The following PPP1R9A variants were observed in gnomAD, a reference collection of about 807,000 sequenced individuals.
PPP1R9A encodes the protein neurabin-1.
PPP1R9A carries 59 observed loss-of-function variants against 141.9 expected under a neutral mutation model. The ratio of observed to expected loss-of-function variants is 0.42; its 90% CI spans 0.34 to 0.52. The LOEUF is 0.52. Ranked by LOEUF, PPP1R9A falls within the 20% of genes least tolerant of loss-of-function variation. PPP1R9A has a pLI of 0.10. For synonymous variants in PPP1R9A, 500 were observed against 569.7 expected (o/e 0.88, Z 1.74); for missense variants, 1,444 against 1,611.9 (o/e 0.90, Z 1.78).
At chr7:95,089,922 T>C (rs1817113219) in intron 2 of PPP1R9A, among the ~76,000 whole-genome samples, 1 of 151,972 alleles carries the variant, frequency 6.6e-6, no homozygotes. Flanking sequence ...AAATTTCAAC[T>C]GAAGCATGGT....
At chr7:95,121,711 G>A (rs1163763359) in intron 4 of PPP1R9A, among the ~76,000 whole-genome samples, 2 of 152,094 alleles carry the variant, frequency 1.3e-5, no homozygotes, top group Non-Finnish European at 2.9e-5. Flanking sequence ...ATCTGATGAG[G>A]ACCCTCCAGC....
chr7:94,960,551 CTAAA>C (rs1418121288), intron 2 of PPP1R9A, among the ~76,000 whole-genome samples: 2 of 151,636 alleles, frequency 1.3e-5, no homozygotes, highest in Non-Finnish European at 3.0e-5. Context: ...GGAAATAACA[CTAAA>C]TGCCTACACC....
At chr7:95,034,878 A>G (rs906822403) in intron 2 of PPP1R9A, among the ~76,000 whole-genome samples, 2 of 152,168 alleles carry the variant, frequency 1.3e-5, no homozygotes, top group South Asian at 4.1e-4. Flanking sequence ...TTAAGAGTAG[A>G]GCATTATGAT....
chr7:95,138,628 T>A (rs139124230), intron 4 of PPP1R9A, among the ~76,000 whole-genome samples: 221 of 152,344 alleles, frequency 1.5e-3, no homozygotes, highest in African/African-American at 5.2e-3. Flanking sequence ...ATATAAGAAC[T>A]TGTATCCAGA....
chr7:95,276,609 A>G (rs1003389423), intron 16 of PPP1R9A, among the ~76,000 whole-genome samples: 17 of 152,232 alleles, frequency 1.1e-4, no homozygotes, highest in African/African-American at 3.9e-4. Flanking sequence ...CCTAAGTGTG[A>G]TGATTGGGTG....
intron 17 of PPP1R9A, among the ~76,000 whole-genome samples, chr7:95,285,520 A>G (rs948180456): frequency 8.5e-5 from 13 of 152,190 alleles, no homozygotes; most frequent in African/African-American, 3.1e-4. Context: ...TATTTTAATG[A>G]AGTTCTGGGG....
Position 95,124,471 on chromosome 7 carries a change from T to C in PPP1R9A, c.1649+3639T>C, listed in dbSNP as rs953780824. Among the ~76,000 whole-genome samples the C allele has an allele frequency of 1.2e-4, 18 of 152,174 alleles. 1 individual carries two copies. The highest frequency in any genetic ancestry group is 7.4e-5 in the Non-Finnish European group (5 of 68,024). On this transcript the variant is annotated intron_variant, in intron 4 of 19. Transcript: ENST00000433360. ...TGAATGGCTCTAGTGTATGGGTTTT[T>C]TAAAATTTTGGCTGATATAGAATAT...
intron 2 of PPP1R9A, among the ~76,000 whole-genome samples, chr7:95,010,528 A>G (rs1804266728): frequency 6.6e-6 from 1 of 152,184 alleles, no homozygotes; most frequent in Non-Finnish European, 1.5e-5. Context: ...TCATTCTTTA[A>G]ATTTTACTTG....
intron 8 of PPP1R9A, among the ~76,000 whole-genome samples, chr7:95,232,619 TC>T (rs1298316158): frequency 6.6e-6 from 1 of 151,904 alleles, no homozygotes; most frequent in Non-Finnish European, 1.5e-5. Flanking sequence ...TTGCAATCTA[TC>T]CATCTGACAA....
intron 12 of PPP1R9A, among the ~76,000 whole-genome samples, chr7:95,258,310 GTCT>G (rs1428637543): frequency 6.6e-6 from 1 of 152,144 alleles, no homozygotes; most frequent in Non-Finnish European, 1.5e-5. Flanking sequence ...CTGCATAAAT[GTCT>G]TCTTTTGAGA....
chr7:95,143,558 G>A (rs6465456), intron 4 of PPP1R9A, among the ~76,000 whole-genome samples: 91,229 of 151,762 alleles, frequency 0.6, 28,086 homozygotes, highest in African/African-American at 0.74. Context: ...TATTTTGGTT[G>A]CAAGGATATT....
chr7:95,290,356 TC>T lies in PPP1R9A; in HGVS notation c.*55del, dbSNP rs1313497987. The T allele has an allele frequency of 7.9e-6, 12 of 1,528,328 alleles. No homozygotes were observed. Among genetic ancestry groups the T allele is most frequent in the Admixed American group, 2.0e-5 (1 of 50,018 alleles). 94.7% of individuals were successfully genotyped at this position (1,528,328 alleles called of 1,614,324 possible). ...TGCTCCAAGAGAAGTCCCCACCTCT[TC>T]CTGCCCTGCTCTCCTCCAGAGGATG... is the stretch of plus-strand genomic sequence containing the variant. On this transcript the variant is annotated 3_prime_UTR_variant, in exon 20 of 20. Coordinates refer to ENST00000433360, the MANE Select transcript of PPP1R9A (RefSeq NM_001166160.2).
chr7:95,101,550 C>G (rs996760789), intron 2 of PPP1R9A, among the ~76,000 whole-genome samples: 7 of 152,132 alleles, frequency 4.6e-5, no homozygotes, highest in African/African-American at 1.7e-4. Flanking sequence ...ATGGCTCAGT[C>G]AAGAAGTGAC....
chr7:94,910,688 G>C lies in PPP1R9A; in HGVS notation c.575G>C (p.Ser192Thr). 6.2e-7 allele frequency: 1 copy of C among 1,614,164 alleles called. No homozygotes were observed. The highest frequency in any genetic ancestry group is 8.5e-7 in the Non-Finnish European group (1 of 1,180,018). The change falls in exon 2 of 20, where the codon AGC (serine) becomes ACC (threonine). Residue 192 changes from serine to threonine, a missense_variant. Transcript: ENST00000433360. This position sits in a 1 kb window ranked among gnomAD's most constrained non-coding sequence, Gnocchi z 4.5. ...AGTACTGATTCCTTGGACAGCCTTA[G>C]CTCCCGAACTGAGGCTGTCTCCCCA... is the stretch of plus-strand genomic sequence containing the variant. ...RGSTDSLDSL[S>T]SRTEAVSPTV...
At chr7:94,921,169 G>A (rs1024702375) in intron 2 of PPP1R9A, among the ~76,000 whole-genome samples, 3 of 152,040 alleles carry the variant, frequency 2.0e-5, no homozygotes, top group Admixed American at 1.3e-4. Context: ...TTTTGAGGCC[G>A]GGCGCGGTGG....
At chr7:95,072,783 AT>A (rs1468278517) in intron 2 of PPP1R9A, among the ~76,000 whole-genome samples, 4 of 103,418 alleles carry the variant, frequency 3.9e-5, no homozygotes, top group Admixed American at 1.5e-4. Context: ...AAATATATAT[AT>A]TTATATATTA....
At chr7:95,148,129 G>A (rs1168981701) in intron 4 of PPP1R9A, among the ~76,000 whole-genome samples, 1 of 152,040 alleles carries the variant, frequency 6.6e-6, no homozygotes, top group Non-Finnish European at 1.5e-5. Context: ...AGCTATCTAA[G>A]CATCTTCATT....
intron 4 of PPP1R9A, among the ~76,000 whole-genome samples, chr7:95,152,142 G>T (rs1465141807): frequency 1.3e-5 from 2 of 151,486 alleles, no homozygotes; most frequent in African/African-American, 4.8e-5. Context: ...AGTAGAGACG[G>T]GGTTTCACCA....
intron 2 of PPP1R9A, among the ~76,000 whole-genome samples, chr7:95,073,624 G>GTTTTT (rs36077129): frequency 2.7e-4 from 28 of 105,546 alleles, no homozygotes; most frequent in Middle Eastern, 6.7e-3. Context: ...AAAGAAATAA[G>GTTTTT]TTTTTTTTTT....
Sources: gnomAD v4.1 joint callset for allele counts (sites outside exome capture counted in the v4.1 genomes callset) on GRCh38, gnomAD v4.1.1 for gene constraint, Gnocchi (gnomAD v3.1) non-coding constraint, MANE v1.5 for transcripts, NCBI Gene and HGNC (gene_info 2026-07-23, HGNC 2026-07-21) for gene names.